The following LY96 variants were observed in gnomAD, a reference collection of about 807,000 sequenced individuals.
The protein encoded by LY96 is lymphocyte antigen 96.
LY96 carries 18 observed loss-of-function variants against 18.9 expected under a neutral mutation model. That is an observed-to-expected ratio of 0.95 (90% CI 0.66 to 1.41). LY96 has a LOEUF of 1.41. Ranked by LOEUF, LY96 falls within the 40% of genes most tolerant of loss-of-function variation. The pLI is 0.00. For synonymous variants in LY96, 66 were observed against 62.6 expected, an observed-to-expected ratio of 1.06 and a Z score of -0.26; for missense variants, 175 against 182.4, an observed-to-expected ratio of 0.96 and a Z score of 0.23.
chr8:74,067,638 A>G, the LY96 span, among the ~76,000 whole-genome samples: 1 of 152,166 alleles, frequency 6.6e-6, no homozygotes, highest in African/African-American at 2.4e-5. Flanking sequence ...TCAGTAGCAG[A>G]ATTGTCAGAA....
At chr8:74,005,658 G>A (rs1563712469) in intron 2 of LY96, among the ~76,000 whole-genome samples, 1 of 152,186 alleles carries the variant, frequency 6.6e-6, no homozygotes, top group South Asian at 2.1e-4. Flanking sequence ...TTTGCTTTGT[G>A]TTGTGTCTTG....
the LY96 span, among the ~76,000 whole-genome samples, chr8:74,081,817 C>A: frequency 1.3e-5 from 2 of 152,110 alleles, no homozygotes; most frequent in Non-Finnish European, 2.9e-5. Flanking sequence ...CCATCCCCAG[C>A]TAATTTTTGT....
chr8:74,030,975 C>G (rs1405735501), downstream of LY96, among the ~76,000 whole-genome samples: 2 of 152,168 alleles, frequency 1.3e-5, no homozygotes, highest in Non-Finnish European at 2.9e-5. Context: ...CTGTTTGAAC[C>G]AGCTTACTTT....
the LY96 span, among the ~76,000 whole-genome samples, chr8:74,095,050 A>G: frequency 2.2e-3 from 329 of 152,314 alleles, no homozygotes; most frequent in African/African-American, 7.0e-3. Flanking sequence ...ATTTCCCAAT[A>G]TTATTGTTCC....
At chr8:74,002,260 C>T (rs1286743035) in intron 1 of LY96, among the ~76,000 whole-genome samples, 2 of 151,458 alleles carry the variant, frequency 1.3e-5, no homozygotes, top group Non-Finnish European at 2.9e-5. Flanking sequence ...CCTCAGCCTC[C>T]TGAGTAGCTG....
chr8:74,092,971 T>C, the LY96 span, among the ~76,000 whole-genome samples: 1 of 152,228 alleles, frequency 6.6e-6, no homozygotes, highest in East Asian at 1.9e-4. Context: ...TTTCTTTGGT[T>C]AAAAGTCTTT....
At chr8:74,068,254 G>T in the LY96 span, among the ~76,000 whole-genome samples, 1 of 151,694 alleles carries the variant, frequency 6.6e-6, no homozygotes, top group Non-Finnish European at 1.5e-5. Context: ...CATATAGAAA[G>T]CACTCTTTCA....
At chr8:74,054,484 ATTTTC>A in the LY96 span, among the ~76,000 whole-genome samples, 6 of 149,942 alleles carry the variant, frequency 4.0e-5, no homozygotes, top group Non-Finnish European at 5.9e-5. Flanking sequence ...GAGGTTCCTC[ATTTTC>A]TTTTCTTTTC....
chr8:74,095,118 A>G, the LY96 span, among the ~76,000 whole-genome samples: 6 of 152,236 alleles, frequency 3.9e-5, no homozygotes, highest in Admixed American at 3.9e-4. Context: ...CAAATCTCAA[A>G]TTAAAGAATG....
At chr8:74,049,407 G>T in the LY96 span, among the ~76,000 whole-genome samples, 2 of 152,168 alleles carry the variant, frequency 1.3e-5, no homozygotes, top group African/African-American at 4.8e-5. Flanking sequence ...CATTTCTTTG[G>T]TGAGTTTTCA....
the LY96 span, among the ~76,000 whole-genome samples, chr8:74,081,035 T>TTTC: frequency 8.2e-6 from 1 of 122,446 alleles, no homozygotes; most frequent in Admixed American, 7.8e-5. Context: ...TCTTTCTTTC[T>TTTC]TTCTTTCTTT....
At chr8:74,049,086 T>C in the LY96 span, among the ~76,000 whole-genome samples, 1 of 152,264 alleles carries the variant, frequency 6.6e-6, no homozygotes, top group South Asian at 2.1e-4. Flanking sequence ...TTAGATTAAT[T>C]AGTGTGATTA....
At chr8:74,078,082 C>A in the LY96 span, among the ~76,000 whole-genome samples, 2 of 150,098 alleles carry the variant, frequency 1.3e-5, no homozygotes, top group Non-Finnish European at 3.0e-5. Flanking sequence ...CACTCCAACC[C>A]GAGTGACAGA....
the LY96 span, among the ~76,000 whole-genome samples, chr8:74,060,880 A>G: frequency 1.3e-5 from 2 of 152,140 alleles, no homozygotes; most frequent in Admixed American, 1.3e-4. Flanking sequence ...CTGGTAATCC[A>G]GTTTTCCGGT....
chr8:74,066,315 C>T, the LY96 span, among the ~76,000 whole-genome samples: 1 of 152,034 alleles, frequency 6.6e-6, no homozygotes, highest in South Asian at 2.1e-4. Context: ...TACTCACCTC[C>T]TGAAGACCCC....
chr8:73,994,701 G>A (rs1816085520), intron 1 of LY96, among the ~76,000 whole-genome samples: 1 of 152,140 alleles, frequency 6.6e-6, no homozygotes, highest in African/African-American at 2.4e-5. Flanking sequence ...TGTCCATGCT[G>A]GTTTTGAACT....
the LY96 span, among the ~76,000 whole-genome samples, chr8:74,080,339 A>G: frequency 2.0e-5 from 3 of 152,152 alleles, no homozygotes; most frequent in African/African-American, 7.2e-5. Flanking sequence ...TCTGCTGCTC[A>G]TGGCCGTGGT....
At chr8:74,015,252 G>A (rs556454459) in intron 3 of LY96, among the ~76,000 whole-genome samples, 2 of 152,288 alleles carry the variant, frequency 1.3e-5, no homozygotes, top group South Asian at 4.1e-4. Flanking sequence ...GGATTTTGCT[G>A]GGGCTGCTGT....
chr8:74,076,163 T>C, the LY96 span, among the ~76,000 whole-genome samples: 127 of 152,088 alleles, frequency 8.4e-4, no homozygotes, highest in Non-Finnish European at 1.6e-3. Flanking sequence ...AGCTGGAGGC[T>C]GTCTGCTGAC....
Sources: gnomAD v4.1 joint callset for allele counts (sites outside exome capture counted in the v4.1 genomes callset) on GRCh38, gnomAD v4.1.1 for gene constraint, MANE v1.5 for transcripts, NCBI Gene and HGNC (gene_info 2026-07-23, HGNC 2026-07-21) for gene names.